CPSF2: variants seen among roughly 807,000 people sequenced by gnomAD.
The protein encoded by CPSF2 is cleavage and polyadenylation specific factor 2.
CPSF2 carries 51 observed loss-of-function variants against 84.2 expected under a neutral mutation model. That is an observed-to-expected ratio of 0.61 (90% confidence interval 0.48 to 0.77). The LOEUF (loss-of-function observed/expected upper bound fraction) is 0.77. CPSF2 is among the 30% of genes least tolerant of loss of function. The pLI is 0.00. For synonymous variants in CPSF2, 286 were observed against 311.9 expected, an observed-to-expected ratio of 0.92 and a Z score of 0.87; for missense variants, 641 against 929.4, an observed-to-expected ratio of 0.69 and a Z score of 4.03.
At chr14:92,137,719 A>T (rs2069018724) in intron 6 of CPSF2, among the ~76,000 whole-genome samples, 4 of 152,242 alleles carry the variant, frequency 2.6e-5, no homozygotes, top group African/African-American at 7.2e-5. Context: ...TTGGAAGATT[A>T]TAATGGCAAA....
chr14:92,162,744 C>G lies in CPSF2; in HGVS notation c.*1000C>G, dbSNP rs142649910. 35 of 152,196 alleles carry G rather than the reference C, an allele frequency of 2.3e-4. No individual in the cohort carries two copies. Among genetic ancestry groups the G allele is most frequent in the African/African-American group, 7.9e-4 (33 of 41,524 alleles). 9.4% of individuals were successfully genotyped at this position (152,196 alleles called of 1,614,324 possible). On this transcript the variant is annotated 3_prime_UTR_variant, in exon 16 of 16. Transcript: ENST00000298875. ...TTGCGTCTTTCTTGTGACTAACCAC[C>G]CTGATATAGTATTAACCACTGTGTT... is the stretch of plus-strand genomic sequence containing the variant.
intron 2 of CPSF2, among the ~76,000 whole-genome samples, chr14:92,127,479 C>T (rs1405297734): frequency 6.6e-6 from 1 of 152,168 alleles, no homozygotes; most frequent in Non-Finnish European, 1.5e-5. Flanking sequence ...GGACATTTCT[C>T]TGGCTTCTCA....
In CPSF2 at chr14:92,132,184, G is replaced by C. The variant is rs143123589; in HGVS notation, c.149+1051G>C. Among the ~76,000 whole-genome samples, 150 of 151,810 alleles carry C rather than the reference G, an allele frequency of 9.9e-4. 1 individual carries two copies. Among genetic ancestry groups the C allele is most frequent in the African/African-American group, 3.4e-3 (142 of 41,394 alleles). On this transcript the variant is annotated intron_variant, in intron 3 of 15. Transcript: ENST00000298875. ...AGTTTCACTTCTGTTGCCCAAGCTG[G>C]AGTGCAATGGCGTGCTTTTGGCTCA...
intron 9 of CPSF2, among the ~76,000 whole-genome samples, chr14:92,149,607 C>T (rs7152825): frequency 5.5e-4 from 84 of 152,118 alleles, no homozygotes; most frequent in African/African-American, 1.9e-3. Flanking sequence ...AAAAAAAGTC[C>T]TTGAGGGAAT....
chr14:92,167,708 T>C lies in CPSF2; in HGVS notation c.*5964T>C, dbSNP rs1194687364. The C allele has an allele frequency of 6.6e-6, 1 of 152,202 alleles. No individual in the cohort carries two copies. Among genetic ancestry groups the C allele is most frequent in the Non-Finnish European group, 1.5e-5 (1 of 68,044 alleles). 9.4% of individuals were successfully genotyped at this position (152,202 alleles called of 1,614,324 possible). Reference sequence around the variant, plus strand: ...AAATAGATTGATTTCTATTCTATACTGTGTCCAGTAAAGGTCGGGGGAGAA... The same window carrying C: ...AAATAGATTGATTTCTATTCTATACCGTGTCCAGTAAAGGTCGGGGGAGAA... On this transcript the variant is annotated 3_prime_UTR_variant, in exon 16 of 16. Coordinates refer to ENST00000298875, the MANE Select transcript of CPSF2 (RefSeq NM_017437.3).
chr14:92,134,623 A>G (rs922958420), intron 5 of CPSF2, among the ~76,000 whole-genome samples: 2 of 152,266 alleles, frequency 1.3e-5, no homozygotes, highest in African/African-American at 4.8e-5. Flanking sequence ...AATAAACAAA[A>G]GATAATGTGG....
chr14:92,128,687 T>C (rs1462706458), intron 2 of CPSF2, among the ~76,000 whole-genome samples: 1 of 152,074 alleles, frequency 6.6e-6, no homozygotes, highest in Non-Finnish European at 1.5e-5. Flanking sequence ...GAGGGGGTCA[T>C]GGATAGGGAA....
Position 92,135,473 on chromosome 14 carries a change from T to A in CPSF2, c.522T>A (p.Val174=). The A allele has an allele frequency of 6.2e-7, 1 of 1,613,564 alleles. No homozygotes were observed. Among genetic ancestry groups the A allele is most frequent in the Non-Finnish European group, 8.5e-7 (1 of 1,179,724 alleles). ...KDGEEEIVYA[V]DFNHKREIHL... ...GAGAAGAAGAAATTGTTTATGCAGT[T>A]GACTTCAACCACAAGAGGGAGATGT... is the stretch of plus-strand genomic sequence containing the variant. The change falls in exon 6 of 16, where the codon GTT becomes GTA. Residue 174 remains valine, a synonymous_variant. Coordinates refer to ENST00000298875, the MANE Select transcript of CPSF2 (RefSeq NM_017437.3).
rs1046367146 is a variant in CPSF2, at chr14:92,164,702, T to G, written c.*2958T>G. The G allele has an allele frequency of 6.6e-6, 1 of 152,252 alleles. No individual in the cohort carries two copies. Among genetic ancestry groups the G allele is most frequent in the African/African-American group, 2.4e-5 (1 of 41,468 alleles). 9.4% of individuals were successfully genotyped at this position (152,252 alleles called of 1,614,324 possible). On this transcript the variant is annotated 3_prime_UTR_variant, in exon 16 of 16. Coordinates refer to ENST00000298875, the MANE Select transcript of CPSF2 (RefSeq NM_017437.3). ...AAACATTTCTATATTTTTAGAAATA[T>G]CTTGGGTGGCCTGAAACAGAAGTGA...
intron 7 of CPSF2, among the ~76,000 whole-genome samples, chr14:92,139,950 A>ATTTTTT (rs34354391): frequency 4.0e-4 from 39 of 97,652 alleles, no homozygotes; most frequent in Middle Eastern, 8.5e-3. Context: ...AAGTACAACT[A>ATTTTTT]TTTTTTTTTT....
chr14:92,145,477 A>C (rs554977334), intron 9 of CPSF2, among the ~76,000 whole-genome samples: 2 of 152,164 alleles, frequency 1.3e-5, no homozygotes, highest in Admixed American at 6.6e-5. Context: ...CTGTCTGCCA[A>C]CTCTACTTAA....
At chr14:92,159,461 C>T (rs2069339546) in intron 14 of CPSF2, among the ~76,000 whole-genome samples, 179 bp downstream of exon 14, 2 of 152,082 alleles carry the variant, frequency 1.3e-5, no homozygotes, top group Admixed American at 1.3e-4. Flanking sequence ...AATCCCAGCA[C>T]TTTGGGAGGC....
At chr14:92,156,874 C>T (rs2069297465) in intron 12 of CPSF2, among the ~76,000 whole-genome samples, 2 of 152,082 alleles carry the variant, frequency 1.3e-5, no homozygotes, top group Non-Finnish European at 1.5e-5. Context: ...TAAATTGTAA[C>T]ATTAAATTGT....
chr14:92,163,556 C>T lies in CPSF2; in HGVS notation c.*1812C>T, dbSNP rs1012760008. 6.6e-6 allele frequency: 1 copy of T among 152,538 alleles called. No homozygotes were observed. Among genetic ancestry groups the T allele is most frequent in the African/African-American group, 2.4e-5 (1 of 41,410 alleles). The allele number at this position is 152,538 out of a possible 1,614,324, so 9.4% of individuals were successfully genotyped here. ...CTGGTTTGCATATTGTATTGTAATACTGATACAGTTTGGCTGTGTCCCCAC... is the reference window on the plus strand; with the variant it reads ...CTGGTTTGCATATTGTATTGTAATATTGATACAGTTTGGCTGTGTCCCCAC... On this transcript the variant is annotated 3_prime_UTR_variant, in exon 16 of 16. Coordinates refer to ENST00000298875, the MANE Select transcript of CPSF2 (RefSeq NM_017437.3).
At chr14:92,128,595 A>T (rs2068872841) in intron 2 of CPSF2, among the ~76,000 whole-genome samples, 1 of 152,250 alleles carries the variant, frequency 6.6e-6, no homozygotes. Context: ...AGAGAGAAGT[A>T]CCTAGAGGAG....
At chr14:92,152,595 T>C (rs1369810578) in intron 9 of CPSF2, among the ~76,000 whole-genome samples, 1 of 151,842 alleles carries the variant, frequency 6.6e-6, no homozygotes, top group Non-Finnish European at 1.5e-5. Context: ...TGTGCCACCA[T>C]GCCTGGCTAC....
At chr14:92,127,827 A>C (rs934535815) in intron 2 of CPSF2, among the ~76,000 whole-genome samples, 7 of 152,240 alleles carry the variant, frequency 4.6e-5, no homozygotes, top group Non-Finnish European at 7.3e-5. Context: ...AACAGTGTAC[A>C]TGCAGATAGG....
chr14:92,131,258 C>T, intron 3 of CPSF2, 125 bp downstream of exon 3: 2 of 663,914 alleles, frequency 3.0e-6, no homozygotes, highest in Non-Finnish European at 4.7e-6. Context: ...CTTAATTTTA[C>T]TTATGCCAAA....
chr14:92,143,362 A>T lies in CPSF2; in HGVS notation c.1140+68A>T, dbSNP rs529828032. 743 of 1,047,964 alleles carry T rather than the reference A, an allele frequency of 7.1e-4. 1 individual carries two copies. Among genetic ancestry groups the T allele is most frequent in the Non-Finnish European group, 9.7e-4 (700 of 720,806 alleles). 64.9% of individuals were successfully genotyped at this position (1,047,964 alleles called of 1,614,324 possible). A position where few individuals can be genotyped will look rare whatever the true frequency, so the allele number is the denominator to read the frequency against. On this transcript the variant is annotated intron_variant, in intron 9 of 15. Transcript: ENST00000298875. ...GATACATTGTGCATGATGTAAAAAA[A>T]TAGTGACCAAAAATAAAACTTGAAA...
Sources: allele counts gnomAD v4.1 joint callset (sites outside exome capture counted in the v4.1 genomes callset), GRCh38; gene constraint gnomAD v4.1.1; transcripts MANE v1.5; gene names NCBI Gene and HGNC (gene_info 2026-07-23, HGNC 2026-07-21).